The following RIPOR3 variants were observed in gnomAD, a reference collection of about 807,000 sequenced individuals.
RIPOR3 encodes family with sequence similarity 65 member C.
RIPOR3 carries 95 observed loss-of-function variants against 114.3 expected under a neutral mutation model. The ratio of observed to expected loss-of-function variants is 0.83; its 90% CI spans 0.70 to 0.99. The LOEUF (loss-of-function observed/expected upper bound fraction) is 0.99, where lower values mean the gene tolerates loss of function less well. RIPOR3 is among the 50% of genes least tolerant of loss of function. The pLI, the probability that RIPOR3 is intolerant of heterozygous loss-of-function variation, is 0.00. For missense variants in RIPOR3, 1,252 were observed against 1,266.9 expected (o/e 0.99, Z 0.18); for synonymous variants, 575 against 543.8 (o/e 1.06, Z -0.80).
At chr20:50,626,531 C>A (rs970176444) in intron 2 of RIPOR3, among the ~76,000 whole-genome samples, 1 of 152,202 alleles carries the variant, frequency 6.6e-6, no homozygotes. Flanking sequence ...AAGGGGCCAA[C>A]GAGAGGCAGA....
intron 1 of RIPOR3, among the ~76,000 whole-genome samples, chr20:50,665,176 C>A: frequency 6.6e-6 from 1 of 152,096 alleles, no homozygotes; most frequent in South Asian, 2.1e-4. Context: ...GTGGCTCACG[C>A]CTGTAATCCC....
chr20:50,671,810 A>G (rs1410025379), intron 1 of RIPOR3, among the ~76,000 whole-genome samples: 1 of 150,268 alleles, frequency 6.7e-6, no homozygotes, highest in Non-Finnish European at 1.5e-5. Flanking sequence ...ATGGATGGAT[A>G]GATGGATGGA....
intron 1 of RIPOR3, among the ~76,000 whole-genome samples, chr20:50,649,657 T>C (rs908605094): frequency 1.3e-5 from 2 of 151,914 alleles, no homozygotes; most frequent in African/African-American, 4.8e-5. Flanking sequence ...CCCTCAGGCT[T>C]TATTGCTTTT....
intron 1 of RIPOR3, among the ~76,000 whole-genome samples, chr20:50,656,239 TCTTTG>T (rs2085809301): frequency 6.6e-6 from 1 of 151,484 alleles, no homozygotes; most frequent in Admixed American, 6.6e-5. Flanking sequence ...CCTTTTCTAC[TCTTTG>T]GAGTCGAGGG....
At chr20:50,591,887 G>T (rs1365165542) in intron 19 of RIPOR3, among the ~76,000 whole-genome samples, 1 of 152,210 alleles carries the variant, frequency 6.6e-6, no homozygotes, top group Non-Finnish European at 1.5e-5. Flanking sequence ...GCAGGGTCAG[G>T]AGTTTGAGAC....
At chr20:50,609,387 T>A (rs1234158709) in intron 7 of RIPOR3, 31 bp from the exon 8 acceptor site, 1 of 1,608,868 alleles carries the variant, frequency 6.2e-7, no homozygotes, top group Admixed American at 1.7e-5. Flanking sequence ...CTCAGCTGGC[T>A]GCCTGGGGCT....
intron 8 of RIPOR3, 46 bp downstream of exon 8, chr20:50,609,247 A>T: frequency 1.3e-6 from 2 of 1,598,280 alleles, no homozygotes; most frequent in Non-Finnish European, 1.7e-6. Context: ...CAGAAGTCTC[A>T]GGGCCTCCAG....
At chr20:50,614,901 T>C (rs1166099564) in intron 4 of RIPOR3, 1 of 166,110 alleles carries the variant, frequency 6.0e-6, no homozygotes, top group Non-Finnish European at 1.5e-5. Flanking sequence ...ACTAAAAATG[T>C]GAAAAAACAG....
intron 1 of RIPOR3, among the ~76,000 whole-genome samples, chr20:50,690,745 A>G (rs568104091): frequency 2.0e-5 from 3 of 152,234 alleles, no homozygotes; most frequent in Admixed American, 6.5e-5. Context: ...TACAATGAGG[A>G]CACCAATAAT....
chr20:50,627,001 C>G (rs1415187393), intron 2 of RIPOR3, among the ~76,000 whole-genome samples: 2 of 124,142 alleles, frequency 1.6e-5, no homozygotes, highest in African/African-American at 7.0e-5. Context: ...GCAACAAGAG[C>G]AAAAGTCCGT....
chr20:50,640,347 C>T (rs1447607896), intron 1 of RIPOR3, among the ~76,000 whole-genome samples: 3 of 151,200 alleles, frequency 2.0e-5, no homozygotes, highest in East Asian at 3.9e-4. Flanking sequence ...AGAGCAGAGC[C>T]GAGACCTGCC....
intron 4 of RIPOR3, among the ~76,000 whole-genome samples, chr20:50,615,524 C>CAAAAA (rs11474316): frequency 1.4e-4 from 8 of 58,364 alleles, no homozygotes; most frequent in African/African-American, 3.6e-4. Context: ...AATCCTGTCT[C>CAAAAA]AAAAAAAAAA....
intron 1 of RIPOR3, among the ~76,000 whole-genome samples, chr20:50,672,255 C>T (rs145990805): frequency 2.6e-5 from 4 of 152,268 alleles, no homozygotes; most frequent in African/African-American, 9.6e-5. Context: ...TCACTTCACC[C>T]GCAGCCCGTT....
chr20:50,595,166 T>G, intron 16 of RIPOR3: 1 of 645,068 alleles, frequency 1.6e-6, no homozygotes, highest in Non-Finnish European at 2.7e-6. Flanking sequence ...CACAGCTGAC[T>G]GAAGAGTGTG....
At position 50,596,042 on chromosome 20, in the gene RIPOR3, A is replaced by ACC. The variant is rs1247777976; in HGVS notation, c.1914+96_1914+97dup. 7.8e-6 allele frequency: 12 copies of ACC among 1,536,778 alleles called. No individual in the cohort carries two copies. The East Asian group carries it at 2.7e-4, about 35-fold the overall frequency. ...CGGGCTTCCAGGATGCAGGTCTGTC[A>ACC]CCCCTTCATGCTTCCCACCACCTTC... On this transcript the variant is annotated intron_variant, in intron 15 of 21. Transcript: ENST00000327979.
At chr20:50,634,731 T>C (rs1370235803) in intron 1 of RIPOR3, among the ~76,000 whole-genome samples, 1 of 152,192 alleles carries the variant, frequency 6.6e-6, no homozygotes, top group Non-Finnish European at 1.5e-5. Context: ...AAATGTTTTC[T>C]GTAAAAAGCC....
intron 1 of RIPOR3, among the ~76,000 whole-genome samples, chr20:50,634,008 G>T (rs2426184): frequency 0.26 from 37,227 of 141,256 alleles, 8,068 homozygotes; most frequent in African/African-American, 0.61. Flanking sequence ...TTTAGACAGG[G>T]TCTGACTCTA....
At chr20:50,675,390 T>C (rs1490447923) in intron 1 of RIPOR3, among the ~76,000 whole-genome samples, 1 of 152,196 alleles carries the variant, frequency 6.6e-6, no homozygotes, top group Non-Finnish European at 1.5e-5. Flanking sequence ...TATGTGTGAA[T>C]TCACCTAAAT....
chr20:50,610,814 T>C, intron 6 of RIPOR3, 39 bp downstream of exon 6: 1 of 1,613,824 alleles, frequency 6.2e-7, no homozygotes, highest in Non-Finnish European at 8.5e-7. Context: ...AAGCTGGCAC[T>C]GCCCCACCCC....
Sources: allele counts gnomAD v4.1 joint callset (sites outside exome capture counted in the v4.1 genomes callset), GRCh38; gene constraint gnomAD v4.1.1; transcripts MANE v1.5; gene names NCBI Gene and HGNC (gene_info 2026-07-23, HGNC 2026-07-21).